The following ATXN1 variants were observed in gnomAD, a reference collection of about 807,000 sequenced individuals.
The protein encoded by ATXN1 is ataxin 1.
In ATXN1, 8 loss-of-function variants were observed where a neutral mutation model predicts 56.4. That is an observed-to-expected ratio of 0.14 (90% confidence interval 0.08 to 0.26). ATXN1 has a LOEUF of 0.26. ATXN1 is among the 10% of genes least tolerant of loss of function. The pLI is 1.00. For synonymous variants in ATXN1, 514 were observed against 494.6 expected (o/e 1.04, Z -0.52); for missense variants, 987 against 1,106.5 (o/e 0.89, Z 1.53).
At chr6:16,586,208 G>C (rs752764864) in intron 3 of ATXN1, among the ~76,000 whole-genome samples, 2 of 152,014 alleles carry the variant, frequency 1.3e-5, no homozygotes, top group Non-Finnish European at 2.9e-5. Context: ...AAATAATCCC[G>C]TTCCTGCCCC....
Position 16,306,449 on chromosome 6 carries a change from C to T in ATXN1, c.2328G>A (p.Ala776=). 1 of 1,614,130 alleles carries T rather than the reference C, an allele frequency of 6.2e-7. No homozygotes were observed. The change falls in exon 8 of 8, where the codon GCG becomes GCA. Residue 776 remains alanine (A), a synonymous_variant. Coordinates refer to ENST00000436367, the MANE Select transcript of ATXN1 (RefSeq NM_001128164.2). This position sits in a 1 kb window ranked among gnomAD's most constrained non-coding sequence, Gnocchi z 5.2. ...ACTTCTCCAGTTTGCGGCTCTCTGG[C>T]GCCGACCACCTCCTCTTCCTCGTTG... is the stretch of plus-strand genomic sequence containing the variant. ...PAATRKRRWS[A]PESRKLEKSE...
intron 3 of ATXN1, among the ~76,000 whole-genome samples, chr6:16,651,719 T>C (rs1004748042): frequency 2.0e-5 from 3 of 151,924 alleles, no homozygotes; most frequent in Non-Finnish European, 4.4e-5. Flanking sequence ...CCAGCTGGAG[T>C]CATGTGGGAG....
At chr6:16,520,548 T>C (rs142860655) in intron 5 of ATXN1, among the ~76,000 whole-genome samples, 1 of 152,342 alleles carries the variant, frequency 6.6e-6, no homozygotes, top group African/African-American at 2.4e-5. Context: ...CAAAGAATCC[T>C]ATGATGTAAG....
At chr6:16,751,754 G>T (rs1760725770) in intron 2 of ATXN1, among the ~76,000 whole-genome samples, 1 of 152,214 alleles carries the variant, frequency 6.6e-6, no homozygotes, top group Admixed American at 6.5e-5. Flanking sequence ...CATATTTCTA[G>T]TCATGTATGG....
chr6:16,613,918 CA>C (rs1228573215), intron 3 of ATXN1, among the ~76,000 whole-genome samples: 3 of 151,768 alleles, frequency 2.0e-5, no homozygotes, highest in South Asian at 2.1e-4. Context: ...AAATCCTGAT[CA>C]AAAAAATTAT....
chr6:16,414,978 T>G (rs925421746), intron 6 of ATXN1, among the ~76,000 whole-genome samples: 1 of 152,212 alleles, frequency 6.6e-6, no homozygotes, highest in South Asian at 2.1e-4. Context: ...TATAATTAGC[T>G]GAGTATATAT....
rs937979736 is a variant in ATXN1, at chr6:16,481,191, G to C, written c.-161+4781C>G. On this transcript the variant is annotated intron_variant, in intron 6 of 7. Coordinates refer to ENST00000436367, the MANE Select transcript of ATXN1 (RefSeq NM_001128164.2). The stretch of plus-strand genomic sequence containing the variant: ...CAATCTGCAGGAGCATTACAAGCAA[G>C]GATTTAAGAAAAAGGAGATTGTTCT... 2.1e-4 allele frequency among the ~76,000 whole-genome samples: 32 copies of C among 152,248 alleles called. 1 individual carries two copies. The highest frequency in any genetic ancestry group is 4.6e-4 in the Non-Finnish European group (31 of 68,008).
In ATXN1 at chr6:16,306,960, C is replaced by T. The variant is rs1760266536; in HGVS notation, c.1918-101G>A. The T allele has an allele frequency of 1.2e-5, 15 of 1,295,704 alleles. No homozygotes were observed. The highest frequency in any genetic ancestry group is 1.6e-5 in the Non-Finnish European group (15 of 960,394). 80.3% of individuals were successfully genotyped at this position (1,295,704 alleles called of 1,614,324 possible). A position where few individuals can be genotyped will look rare whatever the true frequency, so the allele number is the denominator to read the frequency against. The stretch of plus-strand genomic sequence containing the variant: ...ATGCACACACACAGGTATGAACTCA[C>T]ACAGACACACACAGGCTGAATGGGG... On this transcript the variant is annotated intron_variant, in intron 7 of 7. Coordinates refer to ENST00000436367, the MANE Select transcript of ATXN1 (RefSeq NM_001128164.2). This position sits in a 1 kb window ranked among gnomAD's most constrained non-coding sequence, Gnocchi z 5.2.
intron 6 of ATXN1, among the ~76,000 whole-genome samples, chr6:16,399,864 C>T (rs976420525): frequency 6.6e-6 from 1 of 152,202 alleles, no homozygotes; most frequent in South Asian, 2.1e-4. Flanking sequence ...TAAAGGGAAG[C>T]AGAAAAGATC....
chr6:16,480,129 G>A (rs1760405209), intron 6 of ATXN1, among the ~76,000 whole-genome samples: 1 of 116,834 alleles, frequency 8.6e-6, no homozygotes, highest in South Asian at 2.6e-4. Flanking sequence ...TCCAGCCTGG[G>A]CAACACAGCA....
intron 6 of ATXN1, among the ~76,000 whole-genome samples, chr6:16,397,489 C>G (rs776342679): frequency 2.0e-5 from 3 of 152,182 alleles, no homozygotes; most frequent in Non-Finnish European, 4.4e-5. Context: ...GTCTCAAACT[C>G]CTGACCTCAG....
intron 7 of ATXN1, among the ~76,000 whole-genome samples, chr6:16,308,322 T>TCA (rs35291830): frequency 0.041 from 5,455 of 132,604 alleles, 120 homozygotes; most frequent in East Asian, 0.071. Context: ...TGAAACTCCG[T>TCA]CACACACACA....
intron 5 of ATXN1, among the ~76,000 whole-genome samples, chr6:16,491,285 T>TA (rs57484346): frequency 8.1e-6 from 1 of 123,162 alleles, no homozygotes; most frequent in African/African-American, 3.2e-5. Context: ...TTATTTTTTT[T>TA]TTTTTTTTTT....
chr6:16,479,926 C>T (rs1329337957), intron 6 of ATXN1, among the ~76,000 whole-genome samples: 1 of 151,998 alleles, frequency 6.6e-6, no homozygotes, highest in Non-Finnish European at 1.5e-5. Flanking sequence ...CCGAGGTGGG[C>T]AGATCACTTG....
In ATXN1 at chr6:16,663,709, G is replaced by C. The variant is rs185607608; in HGVS notation, c.-614-5808C>G. Among the ~76,000 whole-genome samples the C allele has an allele frequency of 4.2e-4, 64 of 151,904 alleles. No homozygotes were observed. The South Asian group carries it at 4.6e-3, about 11-fold the overall frequency. The stretch of plus-strand genomic sequence containing the variant: ...AGACAGGGTCTTGCTCTGTCACTTA[G>C]GCTGGAGTGTAGTGGTGTGATCATA... On this transcript the variant is annotated intron_variant, in intron 2 of 7. Transcript: ENST00000436367.
Position 16,326,977 on chromosome 6 carries a change from G to A in ATXN1, c.1334C>T (p.Pro445Leu), listed in dbSNP as rs761009054. 2.5e-6 allele frequency: 4 copies of A among 1,614,188 alleles called. No homozygotes were observed. The highest frequency in any genetic ancestry group is 1.1e-5 in the South Asian group (1 of 91,082). The stretch of plus-strand genomic sequence containing the variant: ...GAAGGCCGTGGCTGGCAGTCCCACC[G>A]GGAGTGGCTCTGAAGCACTGTGTGT... The part of the protein sequence containing the change: ...QTTHSASEPL[P>L]VGLPATAFYA... The change falls in exon 7 of 8, where the codon CCG becomes CTG. Residue 445 changes from proline to leucine, a missense_variant. Transcript: ENST00000436367. The surrounding 1 kb of genome is among the most constrained non-coding windows in gnomAD (Gnocchi z 6.6).
chr6:16,760,749 C>G lies in ATXN1; in HGVS notation c.-730+549G>C, dbSNP rs1761064121. 6.6e-6 allele frequency among the ~76,000 whole-genome samples: 1 copy of G among 151,470 alleles called. No homozygotes were observed. Among genetic ancestry groups the G allele is most frequent in the East Asian group, 1.9e-4 (1 of 5,158 alleles). On this transcript the variant is annotated intron_variant, in intron 1 of 7. Coordinates refer to ENST00000436367, the MANE Select transcript of ATXN1 (RefSeq NM_001128164.2). The surrounding 1 kb of genome is among the most constrained non-coding windows in gnomAD (Gnocchi z 5.3). ...GCCCTCCGTGAGACCCCCTCTCTCTCACCGCCCTCTCCGGGGAGGAGGAAT... is the reference window on the plus strand; with the variant it reads ...GCCCTCCGTGAGACCCCCTCTCTCTGACCGCCCTCTCCGGGGAGGAGGAAT...
intron 4 of ATXN1, among the ~76,000 whole-genome samples, chr6:16,549,196 A>G (rs1028241374): frequency 7.9e-5 from 12 of 152,166 alleles, no homozygotes; most frequent in African/African-American, 2.4e-4. Flanking sequence ...AGTCTAAAAC[A>G]ATGATCAAAA....
chr6:16,421,661 G>A (rs1458894859), intron 6 of ATXN1, among the ~76,000 whole-genome samples: 1 of 141,850 alleles, frequency 7.0e-6, no homozygotes, highest in Admixed American at 6.9e-5. Context: ...AGGGTGGGGG[G>A]GGCGTGAGTG....
Sources: allele counts gnomAD v4.1 joint callset (sites outside exome capture counted in the v4.1 genomes callset), GRCh38; gene constraint gnomAD v4.1.1; non-coding constraint Gnocchi (gnomAD v3.1); transcripts MANE v1.5; gene names NCBI Gene and HGNC (gene_info 2026-07-23, HGNC 2026-07-21).